The following ELF2 variants were observed in gnomAD, a reference collection of about 807,000 sequenced individuals.
ELF2 encodes ETS-related transcription factor Elf-2.
Under a neutral mutation model 54.8 loss-of-function variants are expected in ELF2, and 11 were observed. That is an observed-to-expected ratio of 0.20 (90% confidence interval 0.13 to 0.33). ELF2 has a LOEUF of 0.33. Among genes scored for constraint, ELF2 ranks in the 10% least tolerant of loss-of-function variants. The pLI, the probability that ELF2 is intolerant of heterozygous loss-of-function variation, is 1.00. For missense variants in ELF2, 513 were observed against 703.0 expected, an observed-to-expected ratio of 0.73 and a Z score of 3.06; for synonymous variants, 203 against 245.1, an observed-to-expected ratio of 0.83 and a Z score of 1.61.
intron 4 of ELF2, among the ~76,000 whole-genome samples, chr4:139,120,192 T>C (rs1254966655): frequency 4.6e-5 from 7 of 152,236 alleles, no homozygotes; most frequent in Non-Finnish European, 8.8e-5. Flanking sequence ...TCAAATCATA[T>C]GTGCTACCAT....
chr4:139,171,676 C>T (rs1452217410), intron 1 of ELF2, among the ~76,000 whole-genome samples: 1 of 152,032 alleles, frequency 6.6e-6, no homozygotes, highest in African/African-American at 2.4e-5. Flanking sequence ...GTAATCCTAG[C>T]ACTTTGGGAG....
At chr4:139,103,284 G>A (rs1454202946) in intron 4 of ELF2, among the ~76,000 whole-genome samples, 1 of 152,148 alleles carries the variant, frequency 6.6e-6, no homozygotes, top group Non-Finnish European at 1.5e-5. Flanking sequence ...GTTCTTTTGT[G>A]TGCTAAAGAT....
intron 4 of ELF2, among the ~76,000 whole-genome samples, chr4:139,122,116 T>C (rs1252533733): frequency 1.3e-5 from 2 of 152,236 alleles, no homozygotes; most frequent in Non-Finnish European, 2.9e-5. Context: ...TGCAGAGAAC[T>C]GTCAGAACAA....
At position 139,125,323 on chromosome 4, in the gene ELF2, C is replaced by A; in HGVS notation, c.79G>T (p.Glu27Ter). Residue 27 changes from glutamate (E) to a stop codon, truncating the protein, a stop_gained, in exon 4 of 10, where the codon GAA becomes TAA. Transcript: ENST00000686138. LOFTEE classifies it high-confidence loss of function. ...SNGVENQEESEKVSEYPAVIV... is the reference protein window; with the variant it reads ...SNGVENQEES ...ACTGCTGGATATTCAGAAACCTTTT[C>A]ACTTTCCTATAAGAGCAAATTTAAA... 1 of 1,606,324 alleles carries A rather than the reference C, an allele frequency of 6.2e-7. No homozygotes were observed. Among genetic ancestry groups the A allele is most frequent in the Non-Finnish European group, 8.5e-7 (1 of 1,178,324 alleles).
intron 4 of ELF2, among the ~76,000 whole-genome samples, chr4:139,079,518 A>C (rs1170603551): frequency 6.6e-6 from 1 of 152,232 alleles, no homozygotes; most frequent in Non-Finnish European, 1.5e-5. Context: ...TGAGAAGCGC[A>C]GCTGTAATTC....
At chr4:139,131,836 C>T (rs188104827) in intron 3 of ELF2, among the ~76,000 whole-genome samples, 1 of 148,932 alleles carries the variant, frequency 6.7e-6, no homozygotes, top group Non-Finnish European at 1.5e-5. Context: ...TACACCCATA[C>T]TAACAAACAT....
chr4:139,163,800 G>C (rs1741408504), intron 1 of ELF2, among the ~76,000 whole-genome samples: 1 of 151,994 alleles, frequency 6.6e-6, no homozygotes, highest in African/African-American at 2.4e-5. Flanking sequence ...TGTAGTCTCA[G>C]CTACTCAGGA....
intron 4 of ELF2, among the ~76,000 whole-genome samples, chr4:139,118,252 T>G (rs933198199): frequency 6.6e-6 from 1 of 152,020 alleles, no homozygotes; most frequent in Admixed American, 6.6e-5. Context: ...TAGATAAAAA[T>G]AATAAAATAA....
intron 1 of ELF2, among the ~76,000 whole-genome samples, chr4:139,140,104 T>C (rs1192216288): frequency 1.3e-5 from 2 of 152,140 alleles, no homozygotes; most frequent in African/African-American, 4.8e-5. Context: ...TCAGTATTTC[T>C]TACTTTTTAC....
chr4:139,120,016 C>T (rs1219975328), intron 4 of ELF2, among the ~76,000 whole-genome samples: 3 of 152,136 alleles, frequency 2.0e-5, no homozygotes, highest in Non-Finnish European at 2.9e-5. Context: ...TTAAGTGATC[C>T]GCCTGCCTTG....
chr4:139,086,883 C>G (rs1732042308), intron 4 of ELF2, among the ~76,000 whole-genome samples: 1 of 152,066 alleles, frequency 6.6e-6, no homozygotes, highest in Non-Finnish European at 1.5e-5. Context: ...TTCAAAGAGG[C>G]AAATTTTTGT....
At chr4:139,136,210 A>T (rs186057553) in intron 3 of ELF2, among the ~76,000 whole-genome samples, 12 of 152,318 alleles carry the variant, frequency 7.9e-5, no homozygotes, top group African/African-American at 2.6e-4. Context: ...GGAAGAAATA[A>T]GACATTGACG....
intron 1 of ELF2, among the ~76,000 whole-genome samples, chr4:139,174,067 CA>C (rs531811735): frequency 0.22 from 25,934 of 118,946 alleles, 2,704 homozygotes; most frequent in Middle Eastern, 0.36. Context: ...ACTAAAAATA[CA>C]AAAAAAAAAA....
At chr4:139,164,373 C>T (rs1010165830) in intron 1 of ELF2, among the ~76,000 whole-genome samples, 5 of 152,120 alleles carry the variant, frequency 3.3e-5, no homozygotes, top group African/African-American at 9.7e-5. Context: ...CGGTGGCTCA[C>T]GCCTGTAGTC....
chr4:139,100,944 A>T (rs1277308728), intron 4 of ELF2, among the ~76,000 whole-genome samples: 1 of 150,418 alleles, frequency 6.6e-6, no homozygotes, highest in African/African-American at 2.5e-5. Context: ...AAAAAACTAC[A>T]GAGTGAACTA....
At chr4:139,113,836 C>G (rs1027586326) in intron 4 of ELF2, among the ~76,000 whole-genome samples, 1 of 143,916 alleles carries the variant, frequency 6.9e-6, no homozygotes. Flanking sequence ...GCCTGGACAA[C>G]AGAGAAAGAC....
chr4:139,169,857 T>TAA (rs3041235), intron 1 of ELF2, among the ~76,000 whole-genome samples: 28,540 of 128,760 alleles, frequency 0.22, 3,583 homozygotes, highest in Non-Finnish European at 0.29. Context: ...ACTCTTGTCT[T>TAA]AAAAAAAAAA....
At chr4:139,105,438 C>G (rs1400063163) in intron 4 of ELF2, among the ~76,000 whole-genome samples, 2 of 152,118 alleles carry the variant, frequency 1.3e-5, no homozygotes, top group Admixed American at 6.5e-5. Context: ...TTTCATACAC[C>G]TGAAAGGACT....
intron 4 of ELF2, among the ~76,000 whole-genome samples, chr4:139,111,235 C>T (rs994022288): frequency 2.0e-4 from 30 of 152,098 alleles, no homozygotes; most frequent in Non-Finnish European, 1.5e-4. Context: ...TTGTATGCAG[C>T]GCTGAAAATA....
Sources: gnomAD v4.1 joint callset for allele counts (sites outside exome capture counted in the v4.1 genomes callset) on GRCh38, gnomAD v4.1.1 for gene constraint, MANE v1.5 for transcripts, NCBI Gene and HGNC (gene_info 2026-07-23, HGNC 2026-07-21) for gene names.